The following CPAMD8 variants were observed in gnomAD, a reference collection of about 807,000 sequenced individuals.
CPAMD8 encodes C3 and PZP like alpha-2-macroglobulin domain containing 8, also known as C3 and PZP-like alpha-2-macroglobulin domain-containing protein 8.
Under a neutral mutation model 224.7 loss-of-function variants are expected in CPAMD8, and 146 were observed. That is an observed-to-expected ratio of 0.65 (90% confidence interval 0.57 to 0.75). CPAMD8 has a LOEUF of 0.75. CPAMD8 is among the 30% of genes least tolerant of loss of function. CPAMD8 has a pLI of 0.00. For missense variants in CPAMD8, 2,301 were observed against 2,537.5 expected, an observed-to-expected ratio of 0.91 and a Z score of 2.00; for synonymous variants, 966 against 1,044.6, an observed-to-expected ratio of 0.92 and a Z score of 1.45.
intron 19 of CPAMD8, among the ~76,000 whole-genome samples, chr19:16,955,127 CACACACAA>C (rs1479007088): frequency 6.6e-6 from 1 of 151,392 alleles, no homozygotes; most frequent in African/African-American, 2.4e-5. Context: ...GATGCTGTCT[CACACACAA>C]ACACACAAAA....
At chr19:16,977,614 G>T in intron 14 of CPAMD8, 74 bp from the exon 15 acceptor site, 2 of 1,149,852 alleles carry the variant, frequency 1.7e-6, no homozygotes, top group Non-Finnish European at 2.4e-6. Flanking sequence ...TTCAGGCTCT[G>T]CCCCAATTTG....
intron 3 of CPAMD8, among the ~76,000 whole-genome samples, chr19:17,017,038 G>A (rs2056831411): frequency 6.6e-6 from 1 of 152,144 alleles, no homozygotes; most frequent in African/African-American, 2.4e-5. Flanking sequence ...GTGAGCAAAT[G>A]AACCTTCATC....
intron 12 of CPAMD8, among the ~76,000 whole-genome samples, chr19:16,991,833 C>G (rs1043649999): frequency 9.4e-5 from 14 of 148,284 alleles, no homozygotes; most frequent in African/African-American, 3.5e-4. Flanking sequence ...CCAGCTTGGG[C>G]GACAGAGCAA....
chr19:16,975,163 T>G lies in CPAMD8; in HGVS notation c.2004A>C (p.Arg668=). 6.2e-7 allele frequency: 1 copy of G among 1,612,664 alleles called. No individual in the cohort carries two copies. The highest frequency in any genetic ancestry group is 8.5e-7 in the Non-Finnish European group (1 of 1,179,484). Residue 668 remains arginine, a synonymous_variant, in exon 17 of 42, where the codon CGA becomes CGC. Transcript: ENST00000443236. Reference sequence around the variant, plus strand: ...ACGGGAAGACAGAGGAGCGCCGGCGTCGTTGTGCCGTCAGCCCAGCCCACC... The same window carrying G: ...ACGGGAAGACAGAGGAGCGCCGGCGGCGTTGTGCCGTCAGCCCAGCCCACC... ...PFWWAGLTAQ[R]RRRSSVFPWP... is the part of the protein sequence containing the mutation.
chr19:16,914,497 C>G lies in CPAMD8; in HGVS notation c.3788G>C (p.Gly1263Ala). The G allele has an allele frequency of 1.2e-6, 2 of 1,614,126 alleles. No individual in the cohort carries two copies. Among genetic ancestry groups the G allele is most frequent in the Non-Finnish European group, 1.7e-6 (2 of 1,179,962 alleles). The change falls in exon 29 of 42, where the codon GGT becomes GCT. Residue 1263 changes from glycine to alanine, a missense_variant and splice_region_variant. Around this residue, in one of 4 missense-constraint regions of CPAMD8, gnomAD observed 1,709 missense variants for 1,753.2 expected, o/e 0.97. Transcript: ENST00000443236. ...VGRVLNKDIQ[G>A]GIHGTVPLTA... ...CAGCGGGACAGTGCCGTGGATCCCA[C>G]CCTGCAAGGGGACTCACAGGCCTCA... is the stretch of plus-strand genomic sequence containing the variant.
intron 22 of CPAMD8, among the ~76,000 whole-genome samples, chr19:16,941,272 G>A (rs1453441861): frequency 2.6e-5 from 4 of 152,120 alleles, no homozygotes; most frequent in African/African-American, 9.7e-5. Context: ...CCTAAAAATT[G>A]TGCATAACCT....
intron 17 of CPAMD8, among the ~76,000 whole-genome samples, chr19:16,974,447 A>G (rs2055183087): frequency 6.6e-6 from 1 of 151,192 alleles, no homozygotes; most frequent in Non-Finnish European, 1.5e-5. Flanking sequence ...CAGACACACA[A>G]CCAAGTTAAC....
intron 18 of CPAMD8, among the ~76,000 whole-genome samples, chr19:16,965,241 CAG>C (rs1599797458): frequency 6.6e-6 from 1 of 151,396 alleles, no homozygotes; most frequent in Non-Finnish European, 1.5e-5. Context: ...GCCTGGGTGA[CAG>C]AGTGAGACTC....
rs763383810 is a variant in CPAMD8, at chr19:16,957,855, G to T, written c.2274C>A (p.Ile758=). 4.3e-6 allele frequency: 7 copies of T among 1,614,062 alleles called. No homozygotes were observed. In the East Asian group the frequency reaches 1.6e-4, roughly 36 times the overall value. Residue 758 remains isoleucine (I), a splice_region_variant and synonymous_variant, in exon 19 of 42, where the codon ATC becomes ATA. Transcript: ENST00000443236. The part of the protein sequence containing the change: ...PETWIWHCLN[I]SDPSGEGTLS... ...GCAGAAAAGAAATCTTAATGTACCT[G>T]ATGTTGAGACAATGCCAAATCCATG...
At chr19:17,004,834 A>C (rs1163443832) in intron 7 of CPAMD8, among the ~76,000 whole-genome samples, 1 of 152,096 alleles carries the variant, frequency 6.6e-6, no homozygotes, top group East Asian at 1.9e-4. Flanking sequence ...GCCTCCACCC[A>C]ACAGATGCCA....
chr19:16,944,148 C>T (rs10417059), intron 22 of CPAMD8, among the ~76,000 whole-genome samples: 45,921 of 152,094 alleles, frequency 0.3, 8,366 homozygotes, highest in African/African-American at 0.51. Flanking sequence ...ATTCAGCTTC[C>T]TGCTCCTAAG....
intron 20 of CPAMD8, among the ~76,000 whole-genome samples, chr19:16,951,567 C>T (rs756052672): frequency 6.6e-6 from 1 of 152,088 alleles, no homozygotes; most frequent in Non-Finnish European, 1.5e-5. Context: ...GAAATATTTC[C>T]TATCTGGCCC....
Position 17,022,156 on chromosome 19 carries a change from CAGAG to C in CPAMD8, c.114_117del (p.Ser39PhefsTer12), listed in dbSNP as rs766279277. ...ACTTCCTCCACGCCCGCGCGAAAAA[CAGAG>C]GGAGCTGCAATCAAGTAACCCCTGC... On this transcript the variant is annotated frameshift_variant, in exon 2 of 42. Transcript: ENST00000443236. LOFTEE classifies it high-confidence loss of function. The C allele has an allele frequency of 1.1e-5, 17 of 1,610,322 alleles. No homozygotes were observed. The highest frequency in any genetic ancestry group is 2.7e-5 in the African/African-American group (2 of 74,790).
chr19:17,002,533 A>G, intron 8 of CPAMD8, 183 bp from the exon 9 acceptor site: 2 of 501,686 alleles, frequency 4.0e-6, no homozygotes, highest in Non-Finnish European at 7.3e-6. Flanking sequence ...TCTATTTCTC[A>G]TCTTTGGGGG....
Position 16,938,435 on chromosome 19 carries a change from G to T in CPAMD8, c.2805C>A (p.Val935=). ...ATGCGCTGTAGGTGTACGCCCGGGG[G>T]ACTCCTTCCGCCTGAAACAAAGAAA... ...RRSVMVEAEG[V]PRAYTYSAFF... Residue 935 remains valine (V), a synonymous_variant, in exon 23 of 42, where the codon GTC becomes GTA. Coordinates refer to ENST00000443236, the MANE Select transcript of CPAMD8 (RefSeq NM_015692.5). 3 of 1,576,368 alleles carry T rather than the reference G, an allele frequency of 1.9e-6. No homozygotes were observed. Among genetic ancestry groups the T allele is most frequent in the Non-Finnish European group, 1.7e-6 (2 of 1,162,192 alleles).
chr19:17,025,474 G>T (rs2057055439), intron 1 of CPAMD8, among the ~76,000 whole-genome samples: 1 of 152,048 alleles, frequency 6.6e-6, no homozygotes, highest in Admixed American at 6.6e-5. Flanking sequence ...TCTGTATAAG[G>T]CAGGGTCTCT....
chr19:17,007,962 G>C (rs2056539737), intron 7 of CPAMD8, among the ~76,000 whole-genome samples: 1 of 152,222 alleles, frequency 6.6e-6, no homozygotes, highest in Admixed American at 6.5e-5. Context: ...GAGAGGTCAG[G>C]AGTTGGAGAC....
intron 29 of CPAMD8, chr19:16,907,799 G>A (rs1203541732): frequency 6.6e-6 from 1 of 152,162 alleles, no homozygotes; most frequent in African/African-American, 2.4e-5. Context: ...TAGAGATGGA[G>A]TCTCACTATG....
At chr19:16,972,964 T>G (rs983522937) in intron 17 of CPAMD8, among the ~76,000 whole-genome samples, 1 of 151,376 alleles carries the variant, frequency 6.6e-6, no homozygotes, top group Admixed American at 6.6e-5. Context: ...AGCCCAGGAG[T>G]TCAAGACTAG....
Sources: allele counts gnomAD v4.1 joint callset (sites outside exome capture counted in the v4.1 genomes callset), GRCh38; gene constraint gnomAD v4.1.1; regional missense constraint gnomAD v4.1.1; transcripts MANE v1.5; gene names NCBI Gene and HGNC (gene_info 2026-07-23, HGNC 2026-07-21).